The following CHST9 variants were observed in gnomAD, a reference collection of about 807,000 sequenced individuals.
CHST9 encodes carbohydrate sulfotransferase 9, also known as GalNAc-4-sulfotransferase 2.
In CHST9, 41 loss-of-function variants were observed where a neutral mutation model predicts 44.4. The observed-to-expected ratio is 0.92, with a 90% CI of 0.72 to 1.20. The LOEUF (loss-of-function observed/expected upper bound fraction) is 1.20, where lower values mean the gene tolerates loss of function less well. CHST9 is among the 50% of genes most tolerant of loss of function. The probability of loss-of-function intolerance (pLI) is 0.00; values close to 1 mark genes in which losing one functional copy is unlikely to be tolerated. For missense variants in CHST9, 504 were observed against 516.5 expected (o/e 0.98, Z 0.23); for synonymous variants, 171 against 178.4 (o/e 0.96, Z 0.33).
intron 4 of CHST9, among the ~76,000 whole-genome samples, chr18:26,993,790 T>G (rs921463425): frequency 2.6e-5 from 4 of 152,206 alleles, no homozygotes; most frequent in African/African-American, 9.7e-5. Flanking sequence ...CACAGAGAGA[T>G]TCTGATCATA....
intron 5 of CHST9, among the ~76,000 whole-genome samples, chr18:26,939,101 G>A (rs1490981859): frequency 6.6e-6 from 1 of 152,102 alleles, no homozygotes; most frequent in East Asian, 1.9e-4. Context: ...GGCAATACTA[G>A]GTAGTTTCAA....
chr18:27,041,687 T>C (rs950002468), intron 3 of CHST9, among the ~76,000 whole-genome samples: 2 of 152,172 alleles, frequency 1.3e-5, no homozygotes, highest in African/African-American at 4.8e-5. Context: ...TTCAGATTTG[T>C]CTAGTCTGCA....
intron 2 of CHST9, among the ~76,000 whole-genome samples, chr18:27,052,869 C>T (rs531055819): frequency 6.6e-6 from 1 of 151,832 alleles, no homozygotes; most frequent in Non-Finnish European, 1.5e-5. Flanking sequence ...GGGAGTTGAA[C>T]AATGAGAACA....
chr18:26,922,835 C>T (rs1262918759), intron 5 of CHST9, among the ~76,000 whole-genome samples: 3 of 152,034 alleles, frequency 2.0e-5, no homozygotes, highest in Non-Finnish European at 4.4e-5. Flanking sequence ...GGGGTCTCAC[C>T]ATGTTGGCCA....
chr18:26,963,937 C>T (rs1049892346), intron 4 of CHST9, among the ~76,000 whole-genome samples: 3 of 152,156 alleles, frequency 2.0e-5, no homozygotes, highest in Non-Finnish European at 2.9e-5. Context: ...TATGCATTAT[C>T]TCTTTCACTT....
chr18:26,966,449 T>C (rs1416177050), intron 4 of CHST9, among the ~76,000 whole-genome samples: 1 of 152,228 alleles, frequency 6.6e-6, no homozygotes, highest in South Asian at 2.1e-4. Flanking sequence ...TTGGGGATTT[T>C]AAAAATTTCA....
intron 4 of CHST9, among the ~76,000 whole-genome samples, chr18:26,985,653 A>C (rs2056746232): frequency 6.6e-6 from 1 of 152,218 alleles, no homozygotes; most frequent in African/African-American, 2.4e-5. Context: ...AGAATGCTGA[A>C]CATCTGCTGA....
At chr18:27,040,779 T>C (rs1262890434) in intron 3 of CHST9, among the ~76,000 whole-genome samples, 1 of 152,170 alleles carries the variant, frequency 6.6e-6, no homozygotes, top group Non-Finnish European at 1.5e-5. Flanking sequence ...GATTAAAATG[T>C]TTGTGGTCAT....
chr18:27,051,335 C>G (rs2057564701), intron 2 of CHST9, among the ~76,000 whole-genome samples: 1 of 151,448 alleles, frequency 6.6e-6, no homozygotes, highest in African/African-American at 2.4e-5. Context: ...AGGAGGATCA[C>G]TTAAACCAAG....
intron 1 of CHST9, among the ~76,000 whole-genome samples, chr18:27,184,462 AAC>A (rs2058939144): frequency 6.6e-6 from 1 of 152,064 alleles, no homozygotes; most frequent in Non-Finnish European, 1.5e-5. Flanking sequence ...AGCAGAAACA[AAC>A]ACACCATTCC....
Position 26,917,257 on chromosome 18 carries a change from T to G in CHST9, c.334A>C (p.Ser112Arg), listed in dbSNP as rs763713195. The G allele has an allele frequency of 1.2e-5, 20 of 1,613,774 alleles. No homozygotes were observed. In the East Asian group the frequency reaches 4.5e-4, roughly 36 times the overall value. ...GCTTGATCCCCTCCTTGTGAATGAC[T>G]GGTCTTTGTTAAGAGCCTAGTAGAT... is the stretch of plus-strand genomic sequence containing the variant. ...ERSTRLLTKTSHSQGGDQALS... is the reference protein window; with the variant it reads ...ERSTRLLTKTRHSQGGDQALS... The change falls in exon 6 of 6, where the codon AGT becomes CGT. Residue 112 changes from serine (S) to arginine (R), a missense_variant. Ser to Arg is a moderately radical substitution (Grantham distance 110). Coordinates refer to ENST00000618847, the MANE Select transcript of CHST9 (RefSeq NM_031422.6).
intron 5 of CHST9, among the ~76,000 whole-genome samples, chr18:26,922,476 T>C (rs1568092472): frequency 6.6e-6 from 1 of 152,158 alleles, no homozygotes; most frequent in Non-Finnish European, 1.5e-5. Flanking sequence ...AGCTATAGTT[T>C]TCCATAAATA....
chr18:26,981,041 G>A (rs1262754837), intron 4 of CHST9, among the ~76,000 whole-genome samples: 1 of 152,124 alleles, frequency 6.6e-6, no homozygotes, highest in African/African-American at 2.4e-5. Flanking sequence ...TGATGTTGAT[G>A]GAGCCACAGG....
At chr18:27,038,176 A>T (rs2057409064) in intron 3 of CHST9, among the ~76,000 whole-genome samples, 1 of 152,200 alleles carries the variant, frequency 6.6e-6, no homozygotes, top group Admixed American at 6.5e-5. Context: ...TAAACACTAG[A>T]AAAGTAAATT....
chr18:26,944,092 G>A (rs1469361163), intron 5 of CHST9, among the ~76,000 whole-genome samples: 1 of 152,172 alleles, frequency 6.6e-6, no homozygotes, highest in Non-Finnish European at 1.5e-5. Context: ...AGTCTCATTA[G>A]TCTACTGTTT....
intron 5 of CHST9, among the ~76,000 whole-genome samples, chr18:26,941,959 G>C (rs867880318): frequency 2.0e-5 from 3 of 152,024 alleles, no homozygotes; most frequent in African/African-American, 4.8e-5. Flanking sequence ...TGCCTGATGT[G>C]GGGGGGAGAA....
At chr18:27,038,199 T>C (rs975193042) in intron 3 of CHST9, among the ~76,000 whole-genome samples, 2 of 152,206 alleles carry the variant, frequency 1.3e-5, no homozygotes, top group Admixed American at 6.5e-5. Flanking sequence ...AAAAATGAAT[T>C]CATGTCTTAC....
intron 1 of CHST9, among the ~76,000 whole-genome samples, chr18:27,163,478 G>T (rs1598771364): frequency 1.3e-5 from 2 of 152,296 alleles, no homozygotes; most frequent in East Asian, 3.9e-4. Flanking sequence ...CAAGCTTCCT[G>T]GCCGCTTTGT....
chr18:27,159,971 T>C (rs892408652), intron 1 of CHST9, among the ~76,000 whole-genome samples: 4 of 152,146 alleles, frequency 2.6e-5, no homozygotes, highest in South Asian at 2.1e-4. Context: ...TATCCTGAGA[T>C]TTTGCTGAAG....
Sources: allele counts gnomAD v4.1 joint callset (sites outside exome capture counted in the v4.1 genomes callset), GRCh38; gene constraint gnomAD v4.1.1; transcripts MANE v1.5; gene names NCBI Gene and HGNC (gene_info 2026-07-23, HGNC 2026-07-21).